The following PIK3C2A variants were observed in gnomAD, a reference collection of about 807,000 sequenced individuals.
The protein encoded by PIK3C2A is phosphatidylinositol 4-phosphate 3-kinase C2 domain-containing subunit alpha.
Under a neutral mutation model 204.5 loss-of-function variants are expected in PIK3C2A, and 97 were observed. That is an observed-to-expected ratio of 0.47 (90% confidence interval 0.40 to 0.56). The LOEUF (loss-of-function observed/expected upper bound fraction) is 0.56. PIK3C2A is among the 20% of genes least tolerant of loss of function. The pLI, the probability that PIK3C2A is intolerant of heterozygous loss-of-function variation, is 0.00. For missense variants in PIK3C2A, 1,735 were observed against 1,969.2 expected, an observed-to-expected ratio of 0.88 and a Z score of 2.25; for synonymous variants, 653 against 664.4, an observed-to-expected ratio of 0.98 and a Z score of 0.26.
intron 1 of PIK3C2A, among the ~76,000 whole-genome samples, chr11:17,178,114 A>AAAG (rs1555034936): frequency 0.091 from 6,614 of 72,396 alleles, 391 homozygotes; most frequent in East Asian, 0.44. Context: ...AAAAAAAAAG[A>AAAG]AAAAAAAAAT....
chr11:17,091,481 T>A (rs2137259747), intron 31 of PIK3C2A, 22 bp from the exon 32 acceptor site: 3 of 1,611,238 alleles, frequency 1.9e-6, no homozygotes, highest in Non-Finnish European at 2.5e-6. Flanking sequence ...AGCAGTCCCT[T>A]AATAGTAATG....
At chr11:17,180,535 A>C (rs1175465983) in intron 1 of PIK3C2A, among the ~76,000 whole-genome samples, 3 of 152,052 alleles carry the variant, frequency 2.0e-5, no homozygotes, top group African/African-American at 4.8e-5. Context: ...AAACAAAAAA[A>C]AAAAGGCTAG....
intron 22 of PIK3C2A, among the ~76,000 whole-genome samples, chr11:17,110,217 T>C (rs913363013): frequency 2.0e-5 from 3 of 152,198 alleles, no homozygotes; most frequent in African/African-American, 7.2e-5. Flanking sequence ...CCTCCCAAAG[T>C]GCTGGGATTA....
chr11:17,100,361 G>C (rs1024801125), intron 25 of PIK3C2A, among the ~76,000 whole-genome samples: 1 of 150,804 alleles, frequency 6.6e-6, no homozygotes, highest in Admixed American at 6.6e-5. Flanking sequence ...TTACAGATAC[G>C]TACCACTATG....
At chr11:17,177,623 G>A (rs1452320557) in intron 1 of PIK3C2A, among the ~76,000 whole-genome samples, 1 of 152,054 alleles carries the variant, frequency 6.6e-6, no homozygotes, top group Non-Finnish European at 1.5e-5. Flanking sequence ...AAAAACCCCA[G>A]TACATGACAA....
chr11:17,112,811 C>A (rs922397722), intron 20 of PIK3C2A, 145 bp from the exon 21 acceptor site: 2 of 401,210 alleles, frequency 5.0e-6, no homozygotes, highest in Non-Finnish European at 8.9e-6. Context: ...TTAGAGACAG[C>A]GTCTTGCTTT....
intron 8 of PIK3C2A, among the ~76,000 whole-genome samples, chr11:17,139,768 T>C (rs1294500256): frequency 6.6e-6 from 1 of 152,322 alleles, no homozygotes; most frequent in East Asian, 1.9e-4. Flanking sequence ...CAATATCATA[T>C]CTGGTTACAA....
At position 17,127,334 on chromosome 11, in the gene PIK3C2A, A is replaced by C. The variant is rs568639849; in HGVS notation, c.2399+1966T>G. On this transcript the variant is annotated intron_variant, in intron 13 of 32. Transcript: ENST00000691414. ...TGTTTTTTTTTTCTTTTGGAGACAG[A>C]GTCTCGCTCTGTCACCCAGGCTGGA... Among the ~76,000 whole-genome samples, 5 of 152,080 alleles carry C rather than the reference A, an allele frequency of 3.3e-5. No homozygotes were observed. In the East Asian group the frequency reaches 9.7e-4, roughly 29 times the overall value.
At chr11:17,110,222 G>GGATT (rs1407684017) in intron 22 of PIK3C2A, among the ~76,000 whole-genome samples, 24 of 152,104 alleles carry the variant, frequency 1.6e-4, no homozygotes, top group African/African-American at 5.1e-4. Context: ...CAAAGTGCTG[G>GGATT]GATTACAGGC....
intron 13 of PIK3C2A, among the ~76,000 whole-genome samples, chr11:17,126,430 A>T (rs927618055): frequency 1.3e-5 from 2 of 152,240 alleles, no homozygotes; most frequent in African/African-American, 4.8e-5. Flanking sequence ...TTTGTTATTA[A>T]GGCTGAATGA....
At chr11:17,129,579 T>C in intron 12 of PIK3C2A, 112 bp from the exon 13 acceptor site, 1 of 698,962 alleles carries the variant, frequency 1.4e-6, no homozygotes, top group South Asian at 2.2e-5. Context: ...TCAAATAATC[T>C]TTATTTTGGT....
At chr11:17,127,021 GCT>G (rs917009214) in intron 13 of PIK3C2A, among the ~76,000 whole-genome samples, 3 of 152,194 alleles carry the variant, frequency 2.0e-5, no homozygotes, top group South Asian at 2.1e-4. Flanking sequence ...TCATATAACT[GCT>G]CTCTGACACT....
intron 19 of PIK3C2A, chr11:17,115,704 GGCATGCTAA>G (rs1555019279): frequency 6.6e-6 from 1 of 151,930 alleles, no homozygotes; most frequent in Non-Finnish European, 1.5e-5. Context: ...TAGTGTAGGG[GGCATGCTAA>G]TCTTCTCTGT....
At chr11:17,165,170 T>C (rs1850905559) in intron 2 of PIK3C2A, among the ~76,000 whole-genome samples, 1 of 152,188 alleles carries the variant, frequency 6.6e-6, no homozygotes, top group African/African-American at 2.4e-5. Flanking sequence ...TTTTCACATT[T>C]GCTATTTGTC....
intron 1 of PIK3C2A, among the ~76,000 whole-genome samples, chr11:17,173,570 T>A (rs1169933169): frequency 1.3e-5 from 2 of 152,234 alleles, no homozygotes. Flanking sequence ...CAACCTTTCA[T>A]TTATGCAGGC....
chr11:17,182,689 G>C (rs1029934798), intron 1 of PIK3C2A, among the ~76,000 whole-genome samples: 1 of 151,838 alleles, frequency 6.6e-6, no homozygotes, highest in Non-Finnish European at 1.5e-5. Context: ...AAATTAAGGA[G>C]ACTGCTGTCA....
At chr11:17,163,799 GA>G (rs1470739346) in intron 2 of PIK3C2A, among the ~76,000 whole-genome samples, 6 of 151,308 alleles carry the variant, frequency 4.0e-5, no homozygotes, top group Non-Finnish European at 8.8e-5. Context: ...TTAACGTACT[GA>G]AAAAATTAGT....
rs111243525 is a variant in PIK3C2A at position 17,107,109 on chromosome 11, C to T, written c.3545-1804G>A. On this transcript the variant is annotated intron_variant, in intron 22 of 32. Coordinates refer to ENST00000691414, the MANE Select transcript of PIK3C2A (RefSeq NM_002645.4). ...CGGGCAGATCACAAGGTCAGGAGAT[C>T]GAGACCATCCTGGCTAACATGGTGA... Among the ~76,000 whole-genome samples the T allele has an allele frequency of 8.5e-5, 13 of 152,166 alleles. No individual in the cohort carries two copies. In the East Asian group the frequency reaches 1.6e-3, roughly 18 times the overall value.
chr11:17,117,508 T>C lies in PIK3C2A; in HGVS notation c.3199A>G (p.Ser1067Gly). 1 of 1,612,880 alleles carries C rather than the reference T, an allele frequency of 6.2e-7. No individual in the cohort carries two copies. The highest frequency in any genetic ancestry group is 8.5e-7 in the Non-Finnish European group (1 of 1,179,060). The change falls in exon 19 of 33, where the codon AGT becomes GGT. Residue 1067 changes from serine to glycine, a missense_variant. Transcript: ENST00000691414. ...GTACATACCTGTCTGGCTGATCCAC[T>C]AGCCTGCCTTACTTTTTCTGCTACT... ...GGVAEKVRQA[S>G]GSARQVVLQR...
Sources: allele counts gnomAD v4.1 joint callset (sites outside exome capture counted in the v4.1 genomes callset), GRCh38; gene constraint gnomAD v4.1.1; transcripts MANE v1.5; gene names NCBI Gene and HGNC (gene_info 2026-07-23, HGNC 2026-07-21).